The following LMO2 variants were observed in gnomAD, a reference collection of about 807,000 sequenced individuals.
LMO2 encodes the protein rhombotin-2.
A neutral mutation model predicts 23.2 loss-of-function variants in LMO2; 20 were observed. The ratio of observed to expected loss-of-function variants is 0.86; its 90% CI spans 0.61 to 1.25. The LOEUF is 1.25. LMO2 is among the 50% of genes most tolerant of loss of function. LMO2 has a pLI of 0.00. For missense variants in LMO2, 270 were observed against 315.3 expected (o/e 0.86, Z 1.09); for synonymous variants, 123 against 130.2 (o/e 0.94, Z 0.38).
chr11:33,863,844 T>C (rs17690328), intron 5 of LMO2, among the ~76,000 whole-genome samples: 20,493 of 152,248 alleles, frequency 0.13, 1,705 homozygotes, highest in Middle Eastern at 0.27. Context: ...ATAATGATTA[T>C]GTAAGAGCAG....
In LMO2 at chr11:33,864,652, C is replaced by T. The variant is rs1856707428; in HGVS notation, c.414G>A (p.Arg138=). The T allele has an allele frequency of 2.5e-6, 4 of 1,613,962 alleles. No individual in the cohort carries two copies. Among genetic ancestry groups the T allele is most frequent in the Non-Finnish European group, 3.4e-6 (4 of 1,180,028 alleles). ...LCGCRLGEVG[R]RLYYKLGRKL... is the part of the protein sequence containing the mutation. ...TCCGGCCCAGTTTGTAGTAGAGGCG[C>T]CGCCCCACCTCACCCAGCCGGCAGC... Residue 138 remains arginine, a synonymous_variant, in exon 5 of 6, where the codon CGG becomes CGA. Coordinates refer to ENST00000257818, the MANE Select transcript of LMO2 (RefSeq NM_005574.4). This position sits in a 1 kb window ranked among gnomAD's most constrained non-coding sequence, Gnocchi z 4.8.
At chr11:33,890,938 C>A (rs1194351219) in intron 1 of LMO2, among the ~76,000 whole-genome samples, 1 of 152,198 alleles carries the variant, frequency 6.6e-6, no homozygotes, top group Non-Finnish European at 1.5e-5. Flanking sequence ...AAAGGCTTCA[C>A]AGAAGATTCA....
In LMO2 at chr11:33,880,508, G is replaced by A. The variant is rs1437354095; in HGVS notation, c.-272+1316C>T. The A allele has an allele frequency of 6.6e-6, 1 of 152,120 alleles. No individual in the cohort carries two copies. The highest frequency in any genetic ancestry group is 6.5e-5 in the Admixed American group (1 of 15,278). 9.4% of individuals were successfully genotyped at this position (152,120 alleles called of 1,614,324 possible). ...GAAAGTCGAATGGTGGTTGCCAGGA[G>A]CTAGGGGGAGGGGATAGTTATTGTT... On this transcript the variant is annotated intron_variant, in intron 2 of 5. Coordinates refer to ENST00000257818, the MANE Select transcript of LMO2 (RefSeq NM_005574.4). The surrounding 1 kb of genome is among the most constrained non-coding windows in gnomAD (Gnocchi z 4.3).
At chr11:33,863,654 C>T (rs985620550) in intron 5 of LMO2, among the ~76,000 whole-genome samples, 2 of 152,194 alleles carry the variant, frequency 1.3e-5, no homozygotes, top group Non-Finnish European at 2.9e-5. Flanking sequence ...AGCAGCTCAT[C>T]GGAAACTAGA....
rs746342143 is a variant in LMO2, at chr11:33,864,766, G to A, written c.300C>T (p.Gly100=). ...LQIPPSLLTC[G]GCQQNIGDRY... The stretch of plus-strand genomic sequence containing the variant: ...GGTCCCCAATGTTCTGCTGGCAGCC[G>A]CCGCATGTCAGCAGGGATGGGGGGA... The change falls in exon 5 of 6, where the codon GGC becomes GGT. Residue 100 remains glycine, a synonymous_variant. Coordinates refer to ENST00000257818, the MANE Select transcript of LMO2 (RefSeq NM_005574.4). This position sits in a 1 kb window ranked among gnomAD's most constrained non-coding sequence, Gnocchi z 4.8. 5.0e-6 allele frequency: 8 copies of A among 1,613,924 alleles called. No homozygotes were observed. The highest frequency in any genetic ancestry group is 1.7e-5 in the Admixed American group (1 of 60,030).
At chr11:33,866,116 TA>T (rs916136192) in intron 4 of LMO2, among the ~76,000 whole-genome samples, 15 of 152,164 alleles carry the variant, frequency 9.9e-5, no homozygotes, top group African/African-American at 3.4e-4. Flanking sequence ...TCTGTGCCCA[TA>T]AAGCCCAGCA....
At position 33,859,636 on chromosome 11, in the gene LMO2, C is replaced by T. The variant is rs931199411; in HGVS notation, c.465-61G>A. On this transcript the variant is annotated intron_variant, in intron 5 of 5. Transcript: ENST00000257818. The stretch of plus-strand genomic sequence containing the variant: ...AAAGGGACAATCCTGGAAGACAGGG[C>T]TCGGGGATGAGCCCTAGAAAGGAGG... The T allele has an allele frequency of 7.3e-6, 11 of 1,510,550 alleles. No individual in the cohort carries two copies. In the African/African-American group the frequency reaches 1.1e-4, roughly 15 times the overall value. The allele number at this position is 1,510,550 out of a possible 1,614,324, so 93.6% of individuals were successfully genotyped here. A position where few individuals can be genotyped will look rare whatever the true frequency, so the allele number is the denominator to read the frequency against.
At chr11:33,890,629 G>A (rs965047452) in intron 1 of LMO2, among the ~76,000 whole-genome samples, 2 of 152,202 alleles carry the variant, frequency 1.3e-5, no homozygotes, top group African/African-American at 4.8e-5. Flanking sequence ...TAAGATTACA[G>A]GCGTTAGCCA....
intron 2 of LMO2, among the ~76,000 whole-genome samples, chr11:33,873,976 CTT>C (rs11358602): frequency 6.6e-6 from 1 of 151,594 alleles, no homozygotes; most frequent in East Asian, 1.9e-4. Flanking sequence ...ATTTACCTCT[CTT>C]TTTTTTTCAA....
intron 2 of LMO2, among the ~76,000 whole-genome samples, chr11:33,876,730 A>G (rs10768033): frequency 0.17 from 26,400 of 152,206 alleles, 2,565 homozygotes; most frequent in South Asian, 0.33. Context: ...TGTAGAATGC[A>G]GTCAATCATA....
chr11:33,868,252 GTGTA>G (rs988023208), intron 4 of LMO2, among the ~76,000 whole-genome samples: 5 of 152,174 alleles, frequency 3.3e-5, no homozygotes, highest in African/African-American at 1.2e-4. Flanking sequence ...AAATTGAAGG[GTGTA>G]TGTGTGTGTG....
Position 33,880,164 on chromosome 11 carries a change from T to TCATATATACAC in LMO2, c.-272+1659_-272+1660insGTGTATATATG. Among the ~76,000 whole-genome samples, 1 of 36,452 alleles carries TCATATATACAC rather than the reference T, an allele frequency of 2.7e-5. No homozygotes were observed. The highest frequency in any genetic ancestry group is 9.1e-4 in the South Asian group (1 of 1,104). The allele number at this position is 36,452 out of a possible 152,430, so 23.9% of individuals were successfully genotyped here. ...TATTTTATGTGTACATATATATACA[T>TCATATATACAC]ATGATATATACACATGATATATATA... On this transcript the variant is annotated intron_variant, in intron 2 of 5. Coordinates refer to ENST00000257818, the MANE Select transcript of LMO2 (RefSeq NM_005574.4). This position sits in a 1 kb window ranked among gnomAD's most constrained non-coding sequence, Gnocchi z 4.3.
intron 1 of LMO2, among the ~76,000 whole-genome samples, chr11:33,886,066 C>A (rs1014576130): frequency 6.6e-6 from 1 of 152,044 alleles, no homozygotes; most frequent in East Asian, 1.9e-4. Context: ...TTAGTAGAGA[C>A]GGGGTTTCAC....
intron 2 of LMO2, among the ~76,000 whole-genome samples, chr11:33,873,398 G>A (rs952724336): frequency 6.6e-6 from 1 of 152,110 alleles, no homozygotes; most frequent in Non-Finnish European, 1.5e-5. Context: ...ACTGCCTACC[G>A]GTGGGATTTC....
intron 5 of LMO2, among the ~76,000 whole-genome samples, chr11:33,860,179 C>T (rs959849701): frequency 4.6e-5 from 7 of 152,174 alleles, no homozygotes; most frequent in African/African-American, 7.2e-5. Context: ...AGAAAACACG[C>T]GGTGCAGCTA....
At chr11:33,868,234 G>A in intron 4 of LMO2, among the ~76,000 whole-genome samples, 1 of 152,168 alleles carries the variant, frequency 6.6e-6, no homozygotes, top group East Asian at 1.9e-4. Flanking sequence ...AAACACCATA[G>A]AAAGCCGAAA....
rs150676019 is a variant in LMO2 at position 33,878,153 on chromosome 11, C to T, written c.-272+3671G>A. Among the ~76,000 whole-genome samples the T allele has an allele frequency of 5.2e-3, 385 of 74,354 alleles. 3 individuals are homozygous for T. The highest frequency in any genetic ancestry group is 0.03 in the African/African-American group (374 of 12,622). 48.8% of individuals were successfully genotyped at this position (74,354 alleles called of 152,430 possible). A position where few individuals can be genotyped will look rare whatever the true frequency, so the allele number is the denominator to read the frequency against. ...GTGTGATTCTGTCATTCTAGCAGGTCGAGACCAAATTTCCCATTAAAGGCA... is the reference window on the plus strand; with the variant it reads ...GTGTGATTCTGTCATTCTAGCAGGTTGAGACCAAATTTCCCATTAAAGGCA... On this transcript the variant is annotated intron_variant, in intron 2 of 5. Coordinates refer to ENST00000257818, the MANE Select transcript of LMO2 (RefSeq NM_005574.4).
intron 5 of LMO2, among the ~76,000 whole-genome samples, chr11:33,862,632 A>G (rs1364844368): frequency 6.6e-6 from 1 of 152,050 alleles, no homozygotes; most frequent in Non-Finnish European, 1.5e-5. Context: ...AACACATTAG[A>G]GGGCCCGTTC....
chr11:33,866,976 C>T (rs1211825907), intron 4 of LMO2, among the ~76,000 whole-genome samples: 2 of 152,226 alleles, frequency 1.3e-5, no homozygotes, highest in Non-Finnish European at 1.5e-5. Flanking sequence ...TCTCTTTCCA[C>T]AGCCCATGGT....
Sources: gnomAD v4.1 joint callset for allele counts (sites outside exome capture counted in the v4.1 genomes callset) on GRCh38, gnomAD v4.1.1 for gene constraint, Gnocchi (gnomAD v3.1) non-coding constraint, MANE v1.5 for transcripts, NCBI Gene and HGNC (gene_info 2026-07-23, HGNC 2026-07-21) for gene names.